The following CEP104 variants were observed in gnomAD, a reference collection of about 807,000 sequenced individuals.
The protein encoded by CEP104 is centrosomal protein of 104 kDa.
In CEP104, 84 loss-of-function variants were observed where a neutral mutation model predicts 113.3. The ratio of observed to expected loss-of-function variants is 0.74; its 90% CI spans 0.62 to 0.89. CEP104 has a LOEUF of 0.89. Ranked by LOEUF, CEP104 falls within the 40% of genes least tolerant of loss-of-function variation. CEP104 has a pLI of 0.00. For synonymous variants in CEP104, 378 were observed against 421.7 expected (o/e 0.90, Z 1.27); for missense variants, 1,053 against 1,156.6 (o/e 0.91, Z 1.30).
At position 3,847,952 on chromosome 1, in the gene CEP104, A is replaced by C. The variant is rs1015999504; in HGVS notation, c.288-339T>G. On this transcript the variant is annotated intron_variant, in intron 3 of 21. Transcript: ENST00000378230. The stretch of plus-strand genomic sequence containing the variant: ...CGGGTTCAAGCAATTCTTCTGCCTC[A>C]GCTTCCCAAGTAGCTGGGATTATAG... Among the ~76,000 whole-genome samples the C allele has an allele frequency of 1.6e-4, 25 of 152,248 alleles. 2 individuals carry two copies. The highest frequency in any genetic ancestry group is 1.6e-3 in the Admixed American group (25 of 15,286).
In CEP104 at chr1:3,836,648, A is replaced by T. The variant is rs1557678351; in HGVS notation, c.1164T>A (p.Arg388=). The change falls in exon 10 of 22, where the codon CGT becomes CGA. Residue 388 remains arginine, a synonymous_variant. Transcript: ENST00000378230. The part of the protein sequence containing the change: ...PYDERPLPAI[R]KHYGEAVVEP... ...CCACCACTGCCTCCCCATAATGCTT[A>T]CGAATAGCTGGAAGAGGCCGCTCAT... The T allele has an allele frequency of 1.2e-6, 2 of 1,613,786 alleles. No individual in the cohort carries two copies. The highest frequency in any genetic ancestry group is 1.7e-6 in the Non-Finnish European group (2 of 1,179,990).
In CEP104 at chr1:3,843,216, G is replaced by A. The variant is rs551051590; in HGVS notation, c.566+1691C>T. On this transcript the variant is annotated intron_variant, in intron 6 of 21. Coordinates refer to ENST00000378230, the MANE Select transcript of CEP104 (RefSeq NM_014704.4). Reference sequence around the variant, plus strand: ...GTCATCCACAGCAGGCAGGTGGCAAGGGAACCACTGTCCCAAAGAGGTGCC... The same window carrying A: ...GTCATCCACAGCAGGCAGGTGGCAAAGGAACCACTGTCCCAAAGAGGTGCC... 81 of 714,386 alleles carry A rather than the reference G, an allele frequency of 1.1e-4. No individual in the cohort carries two copies. The East Asian group carries it at 1.9e-3, about 17-fold the overall frequency. 44.3% of individuals were successfully genotyped at this position (714,386 alleles called of 1,614,324 possible).
At chr1:3,831,584 C>A (rs1347182394) in intron 12 of CEP104, among the ~76,000 whole-genome samples, 1 of 152,210 alleles carries the variant, frequency 6.6e-6, no homozygotes, top group Non-Finnish European at 1.5e-5. Context: ...AGAGCTGCTG[C>A]TAGAATCACC....
rs1387902971 is a variant in CEP104 at position 3,837,514 on chromosome 1, T to C, written c.897A>G (p.Arg299=). The C allele has an allele frequency of 4.3e-6, 7 of 1,614,026 alleles. No individual in the cohort carries two copies. The highest frequency in any genetic ancestry group is 5.9e-6 in the Non-Finnish European group (7 of 1,179,990). ...GCTGGAGGGGCAAATCAAAAGGTCTTCGCATCTAGAGAACAAAAAGGAACA... is the reference window on the plus strand; with the variant it reads ...GCTGGAGGGGCAAATCAAAAGGTCTCCGCATCTAGAGAACAAAAAGGAACA... ...LHSLLDAELM[R]RPFDLPLQPL... The change falls in exon 9 of 22, where the codon CGA becomes CGG. Residue 299 remains arginine, a synonymous_variant. Transcript: ENST00000378230.
Position 3,819,117 on chromosome 1 carries a change from G to A in CEP104, c.2572-2747C>T, listed in dbSNP as rs1643923528. On this transcript the variant is annotated intron_variant, in intron 20 of 21. Coordinates refer to ENST00000378230, the MANE Select transcript of CEP104 (RefSeq NM_014704.4). The surrounding 1 kb of genome is among the most constrained non-coding windows in gnomAD (Gnocchi z 4.6). ...AGAATTAGCACAAAAGGACTTTAAA[G>A]CAGATACCTAGTATGTTCAAGGACT... Among the ~76,000 whole-genome samples, 1 of 152,184 alleles carries A rather than the reference G, an allele frequency of 6.6e-6. No individual in the cohort carries two copies. Among genetic ancestry groups the A allele is most frequent in the African/African-American group, 2.4e-5 (1 of 41,438 alleles).
chr1:3,847,341 A>G, intron 4 of CEP104, 134 bp downstream of exon 4: 1 of 920,282 alleles, frequency 1.1e-6, no homozygotes, highest in Non-Finnish European at 1.6e-6. Flanking sequence ...CAGCTCAGAG[A>G]GCTCAGCAGT....
rs557264298 is a variant in CEP104 at position 3,848,280 on chromosome 1, C to T, written c.287+328G>A. ...GAGCGCGGTGACTCACGCCTGTAAT[C>T]CCAGCACTTTGGGAGGTCGAGGCGG... On this transcript the variant is annotated intron_variant, in intron 3 of 21. Coordinates refer to ENST00000378230, the MANE Select transcript of CEP104 (RefSeq NM_014704.4). 8.5e-5 allele frequency among the ~76,000 whole-genome samples: 13 copies of T among 152,200 alleles called. No individual in the cohort carries two copies. In the South Asian group the frequency reaches 1.0e-3, roughly 12 times the overall value.
chr1:3,847,660 T>C (rs1644532868), intron 3 of CEP104, 47 bp from the exon 4 acceptor site: 1 of 1,601,516 alleles, frequency 6.2e-7, no homozygotes, highest in South Asian at 1.1e-5. Flanking sequence ...TGCTGTTCAA[T>C]AAAACTGCTC....
In CEP104 at chr1:3,835,050, C is replaced by G; in HGVS notation, c.1360G>C (p.Ala454Pro). The stretch of plus-strand genomic sequence containing the variant: ...AACTTCTTAGACAAGGCAAGCAGTG[C>G]ATCCTCTCGGTAGGACCACGTCTTA... ...YCKTWSYRED[A>P]LLALSKKLME... Residue 454 changes from alanine (A) to proline (P), a missense_variant, in exon 11 of 22, where the codon GCA becomes CCA. Transcript: ENST00000378230. 1 of 1,614,062 alleles carries G rather than the reference C, an allele frequency of 6.2e-7. No individual in the cohort carries two copies. The highest frequency in any genetic ancestry group is 1.1e-5 in the South Asian group (1 of 91,020).
Position 3,829,872 on chromosome 1 carries a change from G to A in CEP104, c.1962C>T (p.Asn654=). ...TTTTGTAGAGAATGTTCCTGCGTGT[G>A]TTGCTGTCGTCTGGAGGAAGGTACT... is the stretch of plus-strand genomic sequence containing the variant. The part of the protein sequence containing the change: ...ILEYLPPDDS[N]TRRNILYKTI... Residue 654 remains asparagine (N), a synonymous_variant, in exon 14 of 22, where the codon AAC becomes AAT. Transcript: ENST00000378230. 3 of 1,614,190 alleles carry A rather than the reference G, an allele frequency of 1.9e-6. No individual in the cohort carries two copies. The highest frequency in any genetic ancestry group is 2.5e-6 in the Non-Finnish European group (3 of 1,180,028).
rs764238062 is a variant in CEP104, at chr1:3,839,736, C to G, written c.607G>C (p.Asp203His). The change falls in exon 7 of 22, where the codon GAT (aspartate) becomes CAT (histidine). Residue 203 changes from aspartate (D) to histidine (H), a missense_variant. Transcript: ENST00000378230. The part of the protein sequence containing the change: ...YISPLDDLAF[D>H]MYQDPEVAQI... Reference sequence around the variant, plus strand: ...GCAACTTCTGGATCTTGGTACATATCAAAAGCTAAGTCATCTAGCGGAGAG... The same window carrying G: ...GCAACTTCTGGATCTTGGTACATATGAAAAGCTAAGTCATCTAGCGGAGAG... 16 of 1,613,366 alleles carry G rather than the reference C, an allele frequency of 9.9e-6. No individual in the cohort carries two copies. In the Admixed American group the frequency reaches 2.7e-4, roughly 27 times the overall value.
chr1:3,832,404 GTGTAGCGTAGGTCCTGACCAGGA>G (rs1278101380), intron 12 of CEP104, among the ~76,000 whole-genome samples: 1 of 58,058 alleles, frequency 1.7e-5, no homozygotes, highest in Non-Finnish European at 4.3e-5. Flanking sequence ...GTGACCAGGA[GTGTAGCGTAGGTCCTGACCAGGA>G]GTGTAGCGTA....
chr1:3,828,743 AG>A (rs1285018004), intron 15 of CEP104, among the ~76,000 whole-genome samples: 2 of 152,210 alleles, frequency 1.3e-5, no homozygotes, highest in African/African-American at 4.8e-5. Flanking sequence ...TCATAAAATT[AG>A]TGTTATGAAG....
At chr1:3,845,916 C>T (rs1023992716) in intron 4 of CEP104, among the ~76,000 whole-genome samples, 3 of 151,816 alleles carry the variant, frequency 2.0e-5, no homozygotes, top group Non-Finnish European at 4.4e-5. Flanking sequence ...GGAGAAACTC[C>T]GTCTCTACTA....
intron 1 of CEP104, 52 bp from the exon 2 acceptor site, chr1:3,852,473 C>T (rs771436390): frequency 1.3e-6 from 2 of 1,535,458 alleles, no homozygotes; most frequent in Admixed American, 3.8e-5. Flanking sequence ...TTCACTAACA[C>T]ATGGACATTT....
chr1:3,839,840 G>A, intron 6 of CEP104, 64 bp from the exon 7 acceptor site: 1 of 1,356,012 alleles, frequency 7.4e-7, no homozygotes. Context: ...TGCTGAAGAT[G>A]CACGGTTGAG....
intron 20 of CEP104, among the ~76,000 whole-genome samples, chr1:3,822,099 C>T (rs900342810): frequency 2.0e-5 from 3 of 151,946 alleles, no homozygotes; most frequent in East Asian, 1.9e-4. Context: ...CGTGGGGGCA[C>T]GGGAGAAACA....
intron 3 of CEP104, among the ~76,000 whole-genome samples, chr1:3,848,392 C>T (rs927170249): frequency 2.0e-5 from 3 of 151,920 alleles, no homozygotes; most frequent in East Asian, 1.9e-4. Context: ...ATTAGCCGGG[C>T]GTGATGGCGG....
intron 9 of CEP104, 56 bp downstream of exon 9, chr1:3,837,234 CAT>C (rs1557678961): frequency 1.9e-5 from 27 of 1,411,352 alleles, no homozygotes; most frequent in Admixed American, 1.1e-4. Flanking sequence ...TGGCACAACA[CAT>C]GTCCTTTACA....
Sources: gnomAD v4.1 joint callset for allele counts (sites outside exome capture counted in the v4.1 genomes callset) on GRCh38, gnomAD v4.1.1 for gene constraint, Gnocchi (gnomAD v3.1) non-coding constraint, MANE v1.5 for transcripts, NCBI Gene and HGNC (gene_info 2026-07-23, HGNC 2026-07-21) for gene names.